CSMD1: variants seen among roughly 807,000 people sequenced by gnomAD.
CSMD1 encodes CUB and sushi domain-containing protein 1.
Under a neutral mutation model 417.5 loss-of-function variants are expected in CSMD1, and 213 were observed. That is an observed-to-expected ratio of 0.51 (90% CI 0.46 to 0.57). The LOEUF (loss-of-function observed/expected upper bound fraction) is 0.57, where lower values mean the gene tolerates loss of function less well. CSMD1 is among the 20% of genes least tolerant of loss of function. The probability of loss-of-function intolerance (pLI) is 0.00; values close to 1 mark genes in which losing one functional copy is unlikely to be tolerated. For synonymous variants in CSMD1, 2,862 were observed against 1,736.8 expected (o/e 1.65, Z -16.11); for missense variants, 6,923 against 4,529.7 (o/e 1.53, Z -15.17).
chr8:3,921,881 C>T (rs1809296298), intron 5 of CSMD1, among the ~76,000 whole-genome samples: 1 of 152,072 alleles, frequency 6.6e-6, no homozygotes, highest in Non-Finnish European at 1.5e-5. Context: ...GAAGGTTCTG[C>T]ATGTGTCTGT....
chr8:3,033,326 T>G (rs943223237), intron 50 of CSMD1, among the ~76,000 whole-genome samples: 8 of 152,094 alleles, frequency 5.3e-5, no homozygotes, highest in African/African-American at 1.9e-4. Context: ...AGTAATGTTT[T>G]ATTGGTAAGA....
intron 21 of CSMD1, 29 bp from the exon 22 acceptor site, chr8:3,348,190 G>A (rs754025984): frequency 1.9e-6 from 3 of 1,574,784 alleles, no homozygotes; most frequent in Non-Finnish European, 2.6e-6. Flanking sequence ...GAGAGAAAGA[G>A]GATTCAAAAG....
chr8:4,429,290 C>G (rs75318869), intron 2 of CSMD1, among the ~76,000 whole-genome samples: 11,992 of 152,018 alleles, frequency 0.079, 591 homozygotes, highest in South Asian at 0.13. Context: ...AGAATAATTT[C>G]TCATCAATTT....
chr8:4,988,566 G>A (rs1811298709), intron 1 of CSMD1, among the ~76,000 whole-genome samples: 1 of 152,218 alleles, frequency 6.6e-6, no homozygotes. Flanking sequence ...TTGTTGAAAT[G>A]TTATTCCTTG....
chr8:4,770,111 T>TTAA (rs1335620714), intron 1 of CSMD1, among the ~76,000 whole-genome samples: 1 of 151,574 alleles, frequency 6.6e-6, no homozygotes. Context: ...ATCAAAATAC[T>TTAA]TAACGTTGTT....
Position 3,120,584 on chromosome 8 carries a change from C to T in CSMD1, c.6242-1997G>A, listed in dbSNP as rs141115762. Among the ~76,000 whole-genome samples, 1,468 of 152,120 alleles carry T rather than the reference C, an allele frequency of 9.7e-3. 27 individuals carry two copies. The highest frequency in any genetic ancestry group is 0.033 in the African/African-American group (1,387 of 41,458). Reference sequence around the variant, plus strand: ...AATGTGCAGGCTGGGCTCGGTGGCTCATGCTTGTAATCCCAGCATTTTGGG... The same window carrying T: ...AATGTGCAGGCTGGGCTCGGTGGCTTATGCTTGTAATCCCAGCATTTTGGG... On this transcript the variant is annotated intron_variant, in intron 41 of 69. Coordinates refer to ENST00000635120, the MANE Select transcript of CSMD1 (RefSeq NM_033225.6).
chr8:3,484,311 C>T (rs1167505775), intron 11 of CSMD1, among the ~76,000 whole-genome samples: 1 of 152,118 alleles, frequency 6.6e-6, no homozygotes, highest in South Asian at 2.1e-4. Context: ...TTGATGAAGG[C>T]AGAAAAGCAG....
intron 3 of CSMD1, among the ~76,000 whole-genome samples, chr8:4,217,261 A>T (rs1800739824): frequency 6.6e-6 from 1 of 152,186 alleles, no homozygotes; most frequent in Non-Finnish European, 1.5e-5. Flanking sequence ...GGGATTTAGA[A>T]TTTGCAGAAG....
intron 1 of CSMD1, among the ~76,000 whole-genome samples, chr8:4,784,229 A>G (rs1797293087): frequency 6.6e-6 from 1 of 152,208 alleles, no homozygotes; most frequent in Non-Finnish European, 1.5e-5. Context: ...ATTGCGGCCT[A>G]TTGTAATTGG....
chr8:3,793,795 C>A (rs896550680), intron 5 of CSMD1, among the ~76,000 whole-genome samples: 2 of 152,130 alleles, frequency 1.3e-5, no homozygotes, highest in Non-Finnish European at 2.9e-5. Flanking sequence ...CCTTCTACCT[C>A]CTTTTATGCC....
intron 10 of CSMD1, among the ~76,000 whole-genome samples, chr8:3,530,563 C>G (rs1797934013): frequency 1.3e-5 from 2 of 152,114 alleles, no homozygotes; most frequent in Non-Finnish European, 2.9e-5. Context: ...GCTCTGTTCC[C>G]CAAGCTGGAA....
chr8:4,195,863 T>C (rs1049336267), intron 3 of CSMD1, among the ~76,000 whole-genome samples: 1 of 152,042 alleles, frequency 6.6e-6, no homozygotes, highest in Non-Finnish European at 1.5e-5. Flanking sequence ...GATCATAGCA[T>C]GCGAGACTTA....
At chr8:4,962,792 C>G (rs1051745641) in intron 1 of CSMD1, among the ~76,000 whole-genome samples, 4 of 152,172 alleles carry the variant, frequency 2.6e-5, no homozygotes, top group African/African-American at 9.7e-5. Flanking sequence ...CAAAAAATTA[C>G]ACTCCTTAGT....
intron 6 of CSMD1, among the ~76,000 whole-genome samples, chr8:3,735,262 C>A (rs1313973010): frequency 9.9e-5 from 15 of 152,132 alleles, no homozygotes; most frequent in Admixed American, 9.8e-4. Context: ...TTACTCAACA[C>A]AGATCCAAAA....
chr8:3,746,459 A>T (rs967463073), intron 6 of CSMD1, among the ~76,000 whole-genome samples: 1 of 152,246 alleles, frequency 6.6e-6, no homozygotes, highest in Non-Finnish European at 1.5e-5. Context: ...GGTTTTATAT[A>T]TAACAGTAAA....
intron 3 of CSMD1, among the ~76,000 whole-genome samples, chr8:4,154,636 TA>T (rs1796736482): frequency 2.6e-5 from 4 of 152,132 alleles, no homozygotes; most frequent in Non-Finnish European, 2.9e-5. Context: ...TAAAAAGTTT[TA>T]AAAAAGGAAT....
intron 37 of CSMD1, among the ~76,000 whole-genome samples, chr8:3,178,986 C>T (rs963733908): frequency 1.6e-4 from 24 of 145,790 alleles, no homozygotes; most frequent in East Asian, 8.1e-4. Flanking sequence ...CTCACTCTGT[C>T]ACCCAGGCTG....
At chr8:4,522,324 T>C (rs996951113) in intron 2 of CSMD1, among the ~76,000 whole-genome samples, 1 of 152,214 alleles carries the variant, frequency 6.6e-6, no homozygotes, top group Admixed American at 6.5e-5. Flanking sequence ...TGTGGAACTG[T>C]GAGTCTAATC....
intron 1 of CSMD1, among the ~76,000 whole-genome samples, chr8:4,986,464 G>A (rs1740106734): frequency 6.6e-6 from 1 of 152,166 alleles, no homozygotes; most frequent in African/African-American, 2.4e-5. Context: ...GAAAATGACT[G>A]CCTGCAATTT....
Sources: allele counts gnomAD v4.1 joint callset (sites outside exome capture counted in the v4.1 genomes callset), GRCh38; gene constraint gnomAD v4.1.1; transcripts MANE v1.5; gene names NCBI Gene and HGNC (gene_info 2026-07-23, HGNC 2026-07-21).